The following PRPF38A variants were observed in gnomAD, a reference collection of about 807,000 sequenced individuals.
PRPF38A encodes the protein pre-mRNA-splicing factor 38A.
Under a neutral mutation model 46.8 loss-of-function variants are expected in PRPF38A, and 11 were observed. That is an observed-to-expected ratio of 0.24 (90% CI 0.15 to 0.39). The LOEUF (loss-of-function observed/expected upper bound fraction) is 0.39, where lower values mean the gene tolerates loss of function less well. Ranked by LOEUF, PRPF38A falls within the 10% of genes least tolerant of loss-of-function variation. PRPF38A has a pLI of 1.00. For missense variants in PRPF38A, 261 were observed against 407.5 expected, an observed-to-expected ratio of 0.64 and a Z score of 3.10; for synonymous variants, 124 against 136.2, an observed-to-expected ratio of 0.91 and a Z score of 0.62.
intron 3 of PRPF38A, among the ~76,000 whole-genome samples, chr1:52,410,218 C>T (rs1351661543): frequency 6.7e-6 from 1 of 148,250 alleles, no homozygotes; most frequent in Non-Finnish European, 1.5e-5. Context: ...AGCAGAATTG[C>T]TTGAACCCGG....
intron 2 of PRPF38A, among the ~76,000 whole-genome samples, chr1:52,407,207 C>T (rs528322271): frequency 9.9e-5 from 15 of 152,118 alleles, no homozygotes; most frequent in Admixed American, 2.0e-4. Context: ...TTACTAGAGA[C>T]GGCATTTCAC....
Position 52,416,793 on chromosome 1 carries a change from GT to G in PRPF38A, c.*110del, listed in dbSNP as rs1380240311. The G allele has an allele frequency of 2.2e-6, 2 of 899,886 alleles. No homozygotes were observed. Among genetic ancestry groups the G allele is most frequent in the African/African-American group, 1.7e-5 (1 of 59,678 alleles). The allele number at this position is 899,886 out of a possible 1,614,324, so 55.7% of individuals were successfully genotyped here. A position where few individuals can be genotyped will look rare whatever the true frequency, so the allele number is the denominator to read the frequency against. On this transcript the variant is annotated 3_prime_UTR_variant, in exon 10 of 10. Transcript: ENST00000257181. ...CCCAGGCAGCTATAAGAATATTTTAGTTTTTTTCTTATCAAGTTTCTCAACC... is the reference window on the plus strand; with the variant it reads ...CCCAGGCAGCTATAAGAATATTTTAGTTTTTTCTTATCAAGTTTCTCAACC...
Position 52,413,165 on chromosome 1 carries a change from G to A in PRPF38A, c.609+541G>A, listed in dbSNP as rs138819237. 6.6e-5 allele frequency among the ~76,000 whole-genome samples: 10 copies of A among 152,236 alleles called. No homozygotes were observed. In the East Asian group the frequency reaches 1.9e-3, roughly 29 times the overall value. On this transcript the variant is annotated intron_variant, in intron 5 of 9. Transcript: ENST00000257181. Reference sequence around the variant, plus strand: ...ACTTTTTTCCCCAAGACTGTTAAAAGTATTAAATAAGATTATAAACTTAAA... The same window carrying A: ...ACTTTTTTCCCCAAGACTGTTAAAAATATTAAATAAGATTATAAACTTAAA...
intron 3 of PRPF38A, 145 bp from the exon 4 acceptor site, chr1:52,410,970 T>C (rs1056517179): frequency 1.2e-5 from 7 of 605,202 alleles, no homozygotes; most frequent in African/African-American, 1.9e-5. Flanking sequence ...TCCTGCTAAT[T>C]GGGACATCTT....
At chr1:52,408,305 TTATTC>T (rs1557591504) in intron 2 of PRPF38A, 1 of 576,804 alleles carries the variant, frequency 1.7e-6, no homozygotes, top group East Asian at 3.9e-5. Flanking sequence ...TAAATAGGTT[TTATTC>T]TAGTTTTACT....
In PRPF38A at chr1:52,420,189, C is replaced by G. The variant is rs1283476205; in HGVS notation, c.*3499C>G. Reference sequence around the variant, plus strand: ...TTAAAATACAAAGGCTATAGATGTTCTCAAGTTTGTAAGAACTTAAAAGTA... The same window carrying G: ...TTAAAATACAAAGGCTATAGATGTTGTCAAGTTTGTAAGAACTTAAAAGTA... On this transcript the variant is annotated 3_prime_UTR_variant, in exon 10 of 10. Transcript: ENST00000257181. 6.6e-6 allele frequency: 1 copy of G among 152,190 alleles called. No homozygotes were observed. 9.4% of individuals were successfully genotyped at this position (152,190 alleles called of 1,614,324 possible). A position where few individuals can be genotyped will look rare whatever the true frequency, so the allele number is the denominator to read the frequency against.
At chr1:52,414,154 A>T (rs1337140381) in intron 6 of PRPF38A, among the ~76,000 whole-genome samples, 163 bp downstream of exon 6, 1 of 152,252 alleles carries the variant, frequency 6.6e-6, no homozygotes, top group East Asian at 1.9e-4. Flanking sequence ...ATTGGCAGAC[A>T]ACAATAACCA....
chr1:52,410,842 A>G (rs574973557), intron 3 of PRPF38A, among the ~76,000 whole-genome samples: 1 of 152,300 alleles, frequency 6.6e-6, no homozygotes, highest in South Asian at 2.1e-4. Context: ...TATAAGATAC[A>G]TGTTCTAAAT....
rs919949441 is a variant in PRPF38A, at chr1:52,418,298, A to G, written c.*1608A>G. 6.6e-6 allele frequency: 1 copy of G among 152,280 alleles called. No homozygotes were observed. Among genetic ancestry groups the G allele is most frequent in the Non-Finnish European group, 1.5e-5 (1 of 68,040 alleles). 9.4% of individuals were successfully genotyped at this position (152,280 alleles called of 1,614,324 possible). A position where few individuals can be genotyped will look rare whatever the true frequency, so the allele number is the denominator to read the frequency against. On this transcript the variant is annotated 3_prime_UTR_variant, in exon 10 of 10. Transcript: ENST00000257181. ...ATAGGACTACCTTTTAAGATTAAAT[A>G]TAAGCATCTGTACGTAAATGTATTA...
chr1:52,404,829 C>T lies in PRPF38A; in HGVS notation c.80C>T (p.Thr27Met). The T allele has an allele frequency of 6.2e-7, 1 of 1,614,212 alleles. No individual in the cohort carries two copies. The highest frequency in any genetic ancestry group is 1.3e-5 in the African/African-American group (1 of 75,066). The change falls in exon 1 of 10, where the codon ACG (threonine) becomes ATG (methionine). Residue 27 changes from threonine to methionine, a missense_variant. By Grantham distance (81) the Thr-to-Met change is moderately conservative. This residue lies in a region of PRPF38A where 81 missense variants were observed against 186.5 expected (regional missense o/e 0.43). Transcript: ENST00000257181. ...PQYLVEKIIRTRIYESKYWKE... is the reference protein window; with the variant it reads ...PQYLVEKIIRMRIYESKYWKE... ...TATCTGGTGGAGAAGATCATTCGAACGCGAATCTATGAGTCCAAGTACTGG... is the reference window on the plus strand; with the variant it reads ...TATCTGGTGGAGAAGATCATTCGAATGCGAATCTATGAGTCCAAGTACTGG...
At chr1:52,410,908 A>C (rs533687465) in intron 3 of PRPF38A, among the ~76,000 whole-genome samples, 1 of 152,358 alleles carries the variant, frequency 6.6e-6, no homozygotes, top group Admixed American at 6.5e-5. Context: ...TGATCTCTTC[A>C]AGATCATCCC....
chr1:52,404,911 C>T lies in PRPF38A; in HGVS notation c.130+32C>T, dbSNP rs765536664. 7.5e-6 allele frequency: 12 copies of T among 1,608,706 alleles called. No homozygotes were observed. The East Asian group carries it at 8.9e-5, about 12-fold the overall frequency. ...GGAAGCGCGCGGAGCGCCTCTCAGC[C>T]CCCTTGTGGCCCATTTCTCCTGACC... is the stretch of plus-strand genomic sequence containing the variant. On this transcript the variant is annotated intron_variant, in intron 1 of 9. Coordinates refer to ENST00000257181, the MANE Select transcript of PRPF38A (RefSeq NM_032864.4).
chr1:52,413,844 T>C (rs769845210), intron 5 of PRPF38A, 35 bp from the exon 6 acceptor site: 3 of 1,367,218 alleles, frequency 2.2e-6, no homozygotes, highest in Admixed American at 1.7e-5. Flanking sequence ...TTTATAAGCC[T>C]GTGCCTTTCA....
rs140145485 is a variant in PRPF38A, at chr1:52,414,616, T to A, written c.723-5T>A. 6.2e-7 allele frequency: 1 copy of A among 1,613,440 alleles called. No individual in the cohort carries two copies. The highest frequency in any genetic ancestry group is 8.5e-7 in the Non-Finnish European group (1 of 1,179,994). ...TAGGCTTTCTTCTTCCTCTCCTCTT[T>A]ATAGGCGGAGTCGATCTCCCAAAAG... On this transcript the variant is annotated splice_polypyrimidine_tract_variant and splice_region_variant and intron_variant, in intron 6 of 9. Coordinates refer to ENST00000257181, the MANE Select transcript of PRPF38A (RefSeq NM_032864.4).
chr1:52,415,299 G>A, intron 8 of PRPF38A, 39 bp from the exon 9 acceptor site: 1 of 1,599,380 alleles, frequency 6.3e-7, no homozygotes, highest in South Asian at 1.1e-5. Flanking sequence ...AATAAGAGTA[G>A]AAGGGTAGGA....
At chr1:52,411,234 T>G in intron 4 of PRPF38A, 34 bp downstream of exon 4, 1 of 1,490,216 alleles carries the variant, frequency 6.7e-7, no homozygotes, top group Non-Finnish European at 9.3e-7. Context: ...AGAGTCACCC[T>G]TCTCTTCCTA....
In PRPF38A at chr1:52,419,619, A is replaced by AGAT. The variant is rs1648412559; in HGVS notation, c.*2932_*2934dup. The AGAT allele has an allele frequency of 6.6e-6, 1 of 152,172 alleles. No homozygotes were observed. Among genetic ancestry groups the AGAT allele is most frequent in the Non-Finnish European group, 1.5e-5 (1 of 68,038 alleles). 9.4% of individuals were successfully genotyped at this position (152,172 alleles called of 1,614,324 possible). On this transcript the variant is annotated 3_prime_UTR_variant, in exon 10 of 10. Coordinates refer to ENST00000257181, the MANE Select transcript of PRPF38A (RefSeq NM_032864.4). ...AAAAAAAAGTTCAAAAGAGATTAAGAGATGAAAAATAAGATTGGTGGAGTT... is the reference window on the plus strand; with the variant it reads ...AAAAAAAAGTTCAAAAGAGATTAAGAGATGATGAAAAATAAGATTGGTGGAGTT...
intron 9 of PRPF38A, among the ~76,000 whole-genome samples, 177 bp downstream of exon 9, chr1:52,415,563 T>C (rs1053518233): frequency 2.0e-5 from 3 of 152,192 alleles, no homozygotes; most frequent in African/African-American, 7.2e-5. Context: ...TTTCTCTTTT[T>C]TGAGAACTGA....
chr1:52,405,556 C>A, intron 1 of PRPF38A, 124 bp from the exon 2 acceptor site: 1 of 808,960 alleles, frequency 1.2e-6, no homozygotes, highest in Non-Finnish European at 2.0e-6. Flanking sequence ...GTTATTAATA[C>A]ACATTCGTTC....
Sources: gnomAD v4.1 joint callset for allele counts (sites outside exome capture counted in the v4.1 genomes callset) on GRCh38, gnomAD v4.1.1 for gene constraint, gnomAD v4.1.1 regional missense constraint, MANE v1.5 for transcripts, NCBI Gene and HGNC (gene_info 2026-07-23, HGNC 2026-07-21) for gene names.